The following TLE4 variants were observed in gnomAD, a reference collection of about 807,000 sequenced individuals.
TLE4 encodes TLE family member 4, transcriptional corepressor, also known as transducin-like enhancer protein 4.
TLE4 carries 8 observed loss-of-function variants against 92.8 expected under a neutral mutation model. That is an observed-to-expected ratio of 0.09 (90% CI 0.05 to 0.16). The LOEUF (loss-of-function observed/expected upper bound fraction) is 0.16. TLE4 is among the 10% of genes least tolerant of loss of function. The pLI is 1.00. For missense variants in TLE4, 675 were observed against 997.6 expected (o/e 0.68, Z 4.36); for synonymous variants, 371 against 374.1 (o/e 0.99, Z 0.10).
Position 79,674,076 on chromosome 9 carries a change from T to A in TLE4, c.609+20001T>A, listed in dbSNP as rs557327611. Among the ~76,000 whole-genome samples the A allele has an allele frequency of 2.6e-5, 4 of 152,224 alleles. No homozygotes were observed. The South Asian group carries it at 8.3e-4, about 32-fold the overall frequency. ...GGGATCCCTTCCCAGATAAAAGAGT[T>A]GAGAAGTGGTTTATTGCTTTTCTCA... On this transcript the variant is annotated intron_variant, in intron 8 of 19. Coordinates refer to ENST00000376552, the MANE Select transcript of TLE4 (RefSeq NM_007005.6).
chr9:79,672,458 C>T (rs570742801), intron 8 of TLE4, among the ~76,000 whole-genome samples: 55 of 152,142 alleles, frequency 3.6e-4, no homozygotes, highest in Non-Finnish European at 6.0e-4. Flanking sequence ...ATCTGTTTTT[C>T]TACATGTTTT....
At chr9:79,611,342 A>T (rs1440902127) in intron 4 of TLE4, among the ~76,000 whole-genome samples, 6 of 152,122 alleles carry the variant, frequency 3.9e-5, no homozygotes, top group Admixed American at 3.9e-4. Flanking sequence ...CCATACTGTT[A>T]GGAATGCAGG....
Position 79,706,027 on chromosome 9 carries a change from T to C in TLE4, c.783+85T>C, listed in dbSNP as rs1240728541. On this transcript the variant is annotated intron_variant, in intron 10 of 19. Transcript: ENST00000376552. ...CCAAACAATTAGTATCCAAAATATC[T>C]TGAGGTTTGTCGTTTTGTTATTGTT... is the stretch of plus-strand genomic sequence containing the variant. 9 of 1,282,220 alleles carry C rather than the reference T, an allele frequency of 7.0e-6. No individual in the cohort carries two copies. The East Asian group carries it at 2.1e-4, about 30-fold the overall frequency. The allele number at this position is 1,282,220 out of a possible 1,614,324, so 79.4% of individuals were successfully genotyped here.
chr9:79,705,355 A>G (rs2071232581), intron 9 of TLE4, among the ~76,000 whole-genome samples: 1 of 152,208 alleles, frequency 6.6e-6, no homozygotes, highest in Non-Finnish European at 1.5e-5. Context: ...AATGAAGCTC[A>G]TTTTCCTTTA....
chr9:79,605,358 T>C (rs924224260), intron 4 of TLE4, among the ~76,000 whole-genome samples: 2 of 152,114 alleles, frequency 1.3e-5, no homozygotes, highest in African/African-American at 4.8e-5. Context: ...AGAACTGAAA[T>C]GATTTGACCT....
chr9:79,583,078 T>G (rs2040125359), intron 4 of TLE4, among the ~76,000 whole-genome samples: 1 of 152,172 alleles, frequency 6.6e-6, no homozygotes, highest in Admixed American at 6.5e-5. Flanking sequence ...GTAATAGCTC[T>G]CAGTGGTAGT....
Position 79,572,583 on chromosome 9 carries a change from A to C in TLE4, c.-208A>C. ...GGCGGGCCAGTGACGCCCGCGGGGA[A>C]TGCGGAGCGGCCCGGCAGCCGGCAC... On this transcript the variant is annotated 5_prime_UTR_variant, in exon 1 of 20. It removes an upstream start codon present in the reference 5' UTR. Transcript: ENST00000376552. 4 of 205,634 alleles carry C rather than the reference A, an allele frequency of 1.9e-5. No individual in the cohort carries two copies. Among genetic ancestry groups the C allele is most frequent in the Non-Finnish European group, 3.9e-5 (4 of 102,760 alleles). The allele number at this position is 205,634 out of a possible 1,614,324, so 12.7% of individuals were successfully genotyped here. A position where few individuals can be genotyped will look rare whatever the true frequency, so the allele number is the denominator to read the frequency against.
chr9:79,663,961 C>T (rs1206198629), intron 8 of TLE4, among the ~76,000 whole-genome samples: 5 of 152,314 alleles, frequency 3.3e-5, no homozygotes, highest in African/African-American at 7.2e-5. Context: ...GCCAATAAAG[C>T]GCGCACTGGT....
At chr9:79,640,879 C>T (rs1485250255) in intron 6 of TLE4, among the ~76,000 whole-genome samples, 1 of 152,094 alleles carries the variant, frequency 6.6e-6, no homozygotes, top group African/African-American at 2.4e-5. Context: ...CTGGTTTACA[C>T]ACTCAAGCTT....
intron 5 of TLE4, among the ~76,000 whole-genome samples, chr9:79,625,014 C>CTTTTTTTTTT (rs34968887): frequency 4.6e-4 from 37 of 79,948 alleles, no homozygotes; most frequent in Admixed American, 5.6e-4. Context: ...TATTTCTTTT[C>CTTTTTTTTTT]TTTTTTTTTT....
At chr9:79,671,836 C>T (rs1182189531) in intron 8 of TLE4, among the ~76,000 whole-genome samples, 1 of 151,508 alleles carries the variant, frequency 6.6e-6, no homozygotes, top group Non-Finnish European at 1.5e-5. Context: ...AAGGACTATA[C>T]TCCCACCCCT....
intron 4 of TLE4, among the ~76,000 whole-genome samples, chr9:79,607,718 G>A (rs1003371172): frequency 6.6e-6 from 1 of 151,918 alleles, no homozygotes; most frequent in Non-Finnish European, 1.5e-5. Flanking sequence ...AGGCCTCTGT[G>A]CTGTTCCATT....
chr9:79,661,548 G>A (rs1351923817), intron 8 of TLE4, among the ~76,000 whole-genome samples: 4 of 152,220 alleles, frequency 2.6e-5, no homozygotes, highest in African/African-American at 9.7e-5. Context: ...TAATAGAAAG[G>A]AAGTTTGCTG....
chr9:79,655,553 T>C (rs2059659660), intron 8 of TLE4, among the ~76,000 whole-genome samples: 1 of 152,232 alleles, frequency 6.6e-6, no homozygotes, highest in African/African-American at 2.4e-5. Context: ...CCCATGTAAA[T>C]GTCAACATTT....
chr9:79,660,240 G>A (rs2060336402), intron 8 of TLE4, among the ~76,000 whole-genome samples: 1 of 152,150 alleles, frequency 6.6e-6, no homozygotes, highest in South Asian at 2.1e-4. Flanking sequence ...TGGATCTCAA[G>A]GCTGTAACTC....
At chr9:79,658,040 A>G (rs920885501) in intron 8 of TLE4, among the ~76,000 whole-genome samples, 1 of 152,192 alleles carries the variant, frequency 6.6e-6, no homozygotes, top group Non-Finnish European at 1.5e-5. Flanking sequence ...ATGCTTACCC[A>G]GTACAAACAT....
chr9:79,720,495 T>C (rs887838349), intron 16 of TLE4, among the ~76,000 whole-genome samples: 4 of 152,030 alleles, frequency 2.6e-5, no homozygotes, highest in African/African-American at 9.7e-5. Flanking sequence ...AAATAAATTA[T>C]CAGTGTGAAA....
At chr9:79,599,524 T>C (rs1312591977) in intron 4 of TLE4, among the ~76,000 whole-genome samples, 1 of 152,114 alleles carries the variant, frequency 6.6e-6, no homozygotes, top group Non-Finnish European at 1.5e-5. Flanking sequence ...GAATATCATC[T>C]CCTCTCCGAA....
intron 7 of TLE4, among the ~76,000 whole-genome samples, chr9:79,653,392 A>G (rs1587853661): frequency 6.6e-6 from 1 of 152,208 alleles, no homozygotes; most frequent in African/African-American, 2.4e-5. Context: ...TGTTTATGCA[A>G]TTAATTGATT....
Sources: gnomAD v4.1 joint callset for allele counts (sites outside exome capture counted in the v4.1 genomes callset) on GRCh38, gnomAD v4.1.1 for gene constraint, MANE v1.5 for transcripts, NCBI Gene and HGNC (gene_info 2026-07-23, HGNC 2026-07-21) for gene names.